The following PPP4R1 variants were observed in gnomAD, a reference collection of about 807,000 sequenced individuals.
PPP4R1 encodes the protein serine/threonine-protein phosphatase 4 regulatory subunit 1.
In PPP4R1, 42 loss-of-function variants were observed where a neutral mutation model predicts 111.2. That is an observed-to-expected ratio of 0.38 (90% CI 0.29 to 0.49). PPP4R1 has a LOEUF of 0.49. PPP4R1 is among the 20% of genes least tolerant of loss of function. The probability of loss-of-function intolerance (pLI) is 0.97; values close to 1 mark genes in which losing one functional copy is unlikely to be tolerated. For synonymous variants in PPP4R1, 409 were observed against 405.5 expected (o/e 1.01, Z -0.10); for missense variants, 1,012 against 1,161.6 (o/e 0.87, Z 1.87).
At chr18:9,615,792 C>G (rs1005373327), upstream of PPP4R1, among the ~76,000 whole-genome samples, 3 of 152,110 alleles carry the variant, frequency 2.0e-5, no homozygotes, top group Non-Finnish European at 4.4e-5. Flanking sequence ...GTAGTCTTGA[C>G]CAAGGACAAT....
intron 11 of PPP4R1, among the ~76,000 whole-genome samples, chr18:9,566,875 T>C (rs2066776457): frequency 6.6e-6 from 1 of 152,154 alleles, no homozygotes; most frequent in African/African-American, 2.4e-5. Flanking sequence ...AATATTCCTT[T>C]CAAATTATTA....
chr18:9,588,946 TTCA>T, intron 4 of PPP4R1, 93 bp from the exon 5 acceptor site: 1 of 1,446,282 alleles, frequency 6.9e-7, no homozygotes, highest in South Asian at 1.4e-5. Flanking sequence ...GCTATGGACT[TTCA>T]TCTTCAAAAT....
chr18:9,581,821 A>C (rs1407548937), intron 9 of PPP4R1, among the ~76,000 whole-genome samples: 2 of 152,136 alleles, frequency 1.3e-5, no homozygotes, highest in Non-Finnish European at 2.9e-5. Context: ...AAAATCTAGA[A>C]AGCAACAAGC....
At chr18:9,582,496 C>T (rs1321509851) in intron 9 of PPP4R1, among the ~76,000 whole-genome samples, 2 of 152,016 alleles carry the variant, frequency 1.3e-5, no homozygotes, top group Non-Finnish European at 2.9e-5. Flanking sequence ...AAACACACAA[C>T]AGACCTATAA....
At chr18:9,569,498 T>C (rs1380768770) in intron 11 of PPP4R1, among the ~76,000 whole-genome samples, 3 of 152,160 alleles carry the variant, frequency 2.0e-5, no homozygotes, top group East Asian at 1.9e-4. Flanking sequence ...CTGTGCAAAA[T>C]AGTTAAGGCA....
At chr18:9,600,870 G>A (rs1459779028) in intron 2 of PPP4R1, among the ~76,000 whole-genome samples, 2 of 151,906 alleles carry the variant, frequency 1.3e-5, no homozygotes, top group African/African-American at 4.8e-5. Context: ...GACAGAGTGA[G>A]AATGTCTCAA....
At chr18:9,561,198 G>A (rs930865520) in intron 13 of PPP4R1, among the ~76,000 whole-genome samples, 1 of 148,222 alleles carries the variant, frequency 6.7e-6, no homozygotes, top group Non-Finnish European at 1.5e-5. Context: ...TAGCCTGGGT[G>A]ACAGAGTGAG....
At chr18:9,595,324 T>C (rs2067274273) in intron 2 of PPP4R1, among the ~76,000 whole-genome samples, 171 bp from the exon 3 acceptor site, 1 of 152,192 alleles carries the variant, frequency 6.6e-6, no homozygotes, top group African/African-American at 2.4e-5. Context: ...TCCTCTCCTT[T>C]TCCTACAGAT....
In PPP4R1 at chr18:9,590,552, C is replaced by T. The variant is rs181321606; in HGVS notation, c.296-1699G>A. ...CAACTTTTCTTTCTTCAAAGCCCCG[C>T]TTAGGCAAATAGACTAATGGGGCGG... On this transcript the variant is annotated intron_variant, in intron 4 of 19. Coordinates refer to ENST00000400556, the MANE Select transcript of PPP4R1 (RefSeq NM_001042388.3). Among the ~76,000 whole-genome samples the T allele has an allele frequency of 2.4e-3, 370 of 152,236 alleles. 3 individuals are homozygous for T. The highest frequency in any genetic ancestry group is 6.0e-3 in the Admixed American group (91 of 15,294).
chr18:9,601,439 T>C (rs1011107986), intron 2 of PPP4R1, among the ~76,000 whole-genome samples: 10 of 152,014 alleles, frequency 6.6e-5, no homozygotes, highest in African/African-American at 1.9e-4. Context: ...ATCACAAGAA[T>C]CACTTGAACC....
At chr18:9,603,461 C>CAAT (rs2067426167) in intron 2 of PPP4R1, among the ~76,000 whole-genome samples, 1 of 152,070 alleles carries the variant, frequency 6.6e-6, no homozygotes, top group South Asian at 2.1e-4. Flanking sequence ...AATGGAAACT[C>CAAT]AATAAAACTT....
In PPP4R1 at chr18:9,550,265, G is replaced by C; in HGVS notation, c.2412+13C>G. The C allele has an allele frequency of 6.2e-7, 1 of 1,613,874 alleles. No homozygotes were observed. The highest frequency in any genetic ancestry group is 8.5e-7 in the Non-Finnish European group (1 of 1,179,990). Reference sequence around the variant, plus strand: ...AGTTTGCTGATCTAAAATTTTAAAAGTTCAATACATACCAACTTGTAGGAA... The same window carrying C: ...AGTTTGCTGATCTAAAATTTTAAAACTTCAATACATACCAACTTGTAGGAA... On this transcript the variant is annotated intron_variant, in intron 17 of 19. Transcript: ENST00000400556.
In PPP4R1 at chr18:9,614,130, T is replaced by G. The variant is rs1313708446; in HGVS notation, c.52+96A>C. On this transcript the variant is annotated intron_variant, in intron 2 of 19. Transcript: ENST00000400556. The surrounding 1 kb of genome is among the most constrained non-coding windows in gnomAD (Gnocchi z 4.1). ...GGGGCCGCCCTCGCCCACCGTCCCC[T>G]CAGCCAGCCAGGGCCCGGCCCAGGC... 3.1e-5 allele frequency: 33 copies of G among 1,080,490 alleles called. No individual in the cohort carries two copies. The highest frequency in any genetic ancestry group is 3.8e-5 in the Non-Finnish European group (33 of 857,370). 66.9% of individuals were successfully genotyped at this position (1,080,490 alleles called of 1,614,324 possible).
In PPP4R1 at chr18:9,610,867, TACACAC is replaced by T. The variant is rs60173784; in HGVS notation, c.52+3353_52+3358del. 2.4e-3 allele frequency among the ~76,000 whole-genome samples: 358 copies of T among 149,894 alleles called. 1 individual carries two copies. The highest frequency in any genetic ancestry group is 6.9e-3 in the African/African-American group (282 of 40,808). On this transcript the variant is annotated intron_variant, in intron 2 of 19. Coordinates refer to ENST00000400556, the MANE Select transcript of PPP4R1 (RefSeq NM_001042388.3). Reference sequence around the variant, plus strand: ...GAAACTCCTTCAATGAAATTATGTGTACACACACACACACACACACACACACACAAA... The same window carrying T: ...GAAACTCCTTCAATGAAATTATGTGTACACACACACACACACACACACAAA...
At chr18:9,608,544 G>A (rs1234475208) in intron 2 of PPP4R1, among the ~76,000 whole-genome samples, 2 of 152,226 alleles carry the variant, frequency 1.3e-5, no homozygotes, top group Non-Finnish European at 2.9e-5. Context: ...CATTGATGAT[G>A]TCACCAGCTC....
chr18:9,594,059 C>A, intron 3 of PPP4R1, 185 bp from the exon 4 acceptor site: 1 of 526,330 alleles, frequency 1.9e-6, no homozygotes, highest in Non-Finnish European at 3.5e-6. Context: ...TCCTGAGTAG[C>A]TGAGACTACA....
chr18:9,597,581 T>C (rs550630797), intron 2 of PPP4R1, among the ~76,000 whole-genome samples: 1 of 152,246 alleles, frequency 6.6e-6, no homozygotes, highest in Non-Finnish European at 1.5e-5. Context: ...GACTAGTTTA[T>C]GTCTCCAACA....
chr18:9,584,629 C>G (rs371095203), intron 7 of PPP4R1, 49 bp from the exon 8 acceptor site: 13 of 1,603,872 alleles, frequency 8.1e-6, no homozygotes, highest in Non-Finnish European at 1.1e-5. Context: ...ACATAAGGTT[C>G]TTCTAAGATA....
Position 9,584,539 on chromosome 18 carries a change from G to T in PPP4R1, c.735C>A (p.Gly245=), listed in dbSNP as rs776295224. The T allele has an allele frequency of 4.2e-5, 68 of 1,612,732 alleles. No individual in the cohort carries two copies. Among genetic ancestry groups the T allele is most frequent in the Non-Finnish European group, 5.7e-5 (67 of 1,179,464 alleles). Residue 245 remains glycine, a synonymous_variant, in exon 8 of 20, where the codon GGC becomes GGA. Coordinates refer to ENST00000400556, the MANE Select transcript of PPP4R1 (RefSeq NM_001042388.3). ...ANFGDICSVV[G]QQATEEMLLP... ...CCAACATTTCTTCAGTAGCTTGCTG[G>T]CCAACTACACTGCAAATATCTCCAA...
Sources: allele counts gnomAD v4.1 joint callset (sites outside exome capture counted in the v4.1 genomes callset), GRCh38; gene constraint gnomAD v4.1.1; non-coding constraint Gnocchi (gnomAD v3.1); transcripts MANE v1.5; gene names NCBI Gene and HGNC (gene_info 2026-07-23, HGNC 2026-07-21).